Variants in TMTC1 observed in about 807,000 individuals in gnomAD.
TMTC1 encodes the protein transmembrane O-mannosyltransferase targeting cadherins 1.
In TMTC1, 73 loss-of-function variants were observed where a neutral mutation model predicts 104.8. The ratio of observed to expected loss-of-function variants is 0.70; its 90% CI spans 0.58 to 0.85. TMTC1 has a LOEUF of 0.85. TMTC1 is among the 40% of genes least tolerant of loss of function. TMTC1 has a pLI of 0.00. For synonymous variants in TMTC1, 434 were observed against 428.7 expected (o/e 1.01, Z -0.15); for missense variants, 1,035 against 1,096.1 (o/e 0.94, Z 0.79).
intron 6 of TMTC1, among the ~76,000 whole-genome samples, chr12:29,627,129 A>G (rs1938042604): frequency 6.6e-6 from 1 of 152,048 alleles, no homozygotes; most frequent in Non-Finnish European, 1.5e-5. Flanking sequence ...AAAAATAAAA[A>G]CTTTTGTGCA....
intron 11 of TMTC1, among the ~76,000 whole-genome samples, chr12:29,526,677 C>T (rs182414272): frequency 1.2e-4 from 18 of 152,148 alleles, no homozygotes; most frequent in Middle Eastern, 3.4e-3. Flanking sequence ...CTTGAAGATA[C>T]GCCATTCTAG....
chr12:29,574,863 T>C (rs1210695221), intron 8 of TMTC1, among the ~76,000 whole-genome samples: 1 of 152,156 alleles, frequency 6.6e-6, no homozygotes, highest in African/African-American at 2.4e-5. Flanking sequence ...TCAGTCCTTA[T>C]CAATCACCAA....
intron 5 of TMTC1, among the ~76,000 whole-genome samples, chr12:29,737,373 C>G (rs1942707057): frequency 6.6e-6 from 1 of 152,176 alleles, no homozygotes; most frequent in South Asian, 2.1e-4. Flanking sequence ...ACGAAATTAG[C>G]TGGGCCTGGT....
chr12:29,597,801 G>A (rs1164597887), intron 7 of TMTC1, among the ~76,000 whole-genome samples: 7 of 152,054 alleles, frequency 4.6e-5, no homozygotes, highest in South Asian at 2.1e-4. Flanking sequence ...TAAAGCTTCC[G>A]CCCAAAAAAT....
chr12:29,665,605 A>G (rs530825109), intron 5 of TMTC1, among the ~76,000 whole-genome samples: 2 of 152,342 alleles, frequency 1.3e-5, no homozygotes, highest in South Asian at 4.1e-4. Flanking sequence ...CTTTGTTAAC[A>G]CAGAATTATC....
At chr12:29,723,913 C>G (rs1206927581) in intron 5 of TMTC1, among the ~76,000 whole-genome samples, 6 of 152,090 alleles carry the variant, frequency 3.9e-5, no homozygotes, top group African/African-American at 1.4e-4. Context: ...AAGGGGGACT[C>G]AGGTAAAGTG....
intron 1 of TMTC1, among the ~76,000 whole-genome samples, chr12:29,776,599 A>G (rs573173301): frequency 1.3e-5 from 2 of 152,366 alleles, no homozygotes; most frequent in South Asian, 2.1e-4. Flanking sequence ...CCTTCTTTCA[A>G]TGATAAATCT....
intron 5 of TMTC1, among the ~76,000 whole-genome samples, chr12:29,700,144 A>C: frequency 6.6e-6 from 1 of 151,726 alleles, no homozygotes; most frequent in Non-Finnish European, 1.5e-5. Flanking sequence ...AAACTCCTGC[A>C]CTCAAGGGAT....
intron 5 of TMTC1, among the ~76,000 whole-genome samples, chr12:29,703,241 T>C (rs1268773722): frequency 6.6e-6 from 1 of 152,078 alleles, no homozygotes; most frequent in Non-Finnish European, 1.5e-5. Flanking sequence ...AAACTGTCTT[T>C]TGAAAGCATG....
chr12:29,561,469 A>C (rs1001981497), intron 9 of TMTC1, among the ~76,000 whole-genome samples: 6 of 152,218 alleles, frequency 3.9e-5, no homozygotes, highest in African/African-American at 1.4e-4. Context: ...GTCTTCTGTC[A>C]TACAAAATAA....
At chr12:29,631,034 T>A (rs1298458419) in intron 6 of TMTC1, among the ~76,000 whole-genome samples, 2 of 152,192 alleles carry the variant, frequency 1.3e-5, no homozygotes, top group African/African-American at 4.8e-5. Context: ...TTTCATGTAT[T>A]TATTAATTAA....
chr12:29,644,757 A>G (rs1247040981), intron 5 of TMTC1, among the ~76,000 whole-genome samples: 3 of 151,994 alleles, frequency 2.0e-5, no homozygotes, highest in African/African-American at 7.3e-5. Context: ...TTCTGTCCCC[A>G]GCCTCTCCTT....
At chr12:29,633,816 G>T (rs1938417526) in intron 5 of TMTC1, among the ~76,000 whole-genome samples, 1 of 152,156 alleles carries the variant, frequency 6.6e-6, no homozygotes, top group African/African-American at 2.4e-5. Flanking sequence ...GAAACTGCAG[G>T]TGTCCTTGCT....
intron 1 of TMTC1, 47 bp from the exon 2 acceptor site, chr12:29,768,122 C>G (rs181735935): frequency 7.3e-7 from 1 of 1,367,472 alleles, no homozygotes; most frequent in Non-Finnish European, 9.9e-7. Flanking sequence ...GCTACAAACT[C>G]AACATAAACA....
intron 1 of TMTC1, among the ~76,000 whole-genome samples, chr12:29,777,701 A>G (rs1285556047): frequency 1.3e-5 from 2 of 152,120 alleles, no homozygotes; most frequent in Non-Finnish European, 2.9e-5. Flanking sequence ...AAAATTTTCA[A>G]AGGCAGTTTT....
chr12:29,771,277 G>A (rs544500552), intron 1 of TMTC1, among the ~76,000 whole-genome samples: 6 of 152,162 alleles, frequency 3.9e-5, no homozygotes, highest in African/African-American at 7.2e-5. Context: ...AGGATTAGAC[G>A]GAATAGTGGT....
intron 6 of TMTC1, among the ~76,000 whole-genome samples, chr12:29,618,263 T>C (rs931944133): frequency 1.2e-4 from 18 of 152,198 alleles, no homozygotes; most frequent in African/African-American, 4.1e-4. Flanking sequence ...ACACACTGAA[T>C]GGGTAAAGTC....
Position 29,506,669 on chromosome 12 carries a change from G to T in TMTC1, c.*177C>A. On this transcript the variant is annotated 3_prime_UTR_variant, in exon 18 of 18. Transcript: ENST00000539277. ...TGTTTGCTGTTTTCGTCTTCTTCAT[G>T]GAAAAGCAAGTCCTTCAGCACTGGG... The T allele has an allele frequency of 1.4e-6, 1 of 691,542 alleles. No homozygotes were observed. Among genetic ancestry groups the T allele is most frequent in the Non-Finnish European group, 2.4e-6 (1 of 415,196 alleles). 42.8% of individuals were successfully genotyped at this position (691,542 alleles called of 1,614,324 possible). A position where few individuals can be genotyped will look rare whatever the true frequency, so the allele number is the denominator to read the frequency against.
chr12:29,525,911 T>C (rs1565645911), intron 11 of TMTC1, among the ~76,000 whole-genome samples: 2 of 152,234 alleles, frequency 1.3e-5, no homozygotes, highest in Admixed American at 6.5e-5. Flanking sequence ...TAGAGATTTT[T>C]CTAGGAATGT....
Sources: gnomAD v4.1 joint callset for allele counts (sites outside exome capture counted in the v4.1 genomes callset) on GRCh38, gnomAD v4.1.1 for gene constraint, MANE v1.5 for transcripts, NCBI Gene and HGNC (gene_info 2026-07-23, HGNC 2026-07-21) for gene names.